ADTRP: variants seen among roughly 807,000 people sequenced by gnomAD.
The protein encoded by ADTRP is androgen-dependent TFPI-regulating protein.
ADTRP carries 20 observed loss-of-function variants against 27.0 expected under a neutral mutation model. The observed-to-expected ratio is 0.74, with a 90% confidence interval of 0.52 to 1.08. ADTRP has a LOEUF of 1.08. Ranked by LOEUF, ADTRP falls within the 50% of genes least tolerant of loss-of-function variation. ADTRP has a pLI of 0.00. For missense variants in ADTRP, 251 were observed against 275.0 expected, an observed-to-expected ratio of 0.91 and a Z score of 0.62; for synonymous variants, 101 against 105.2, an observed-to-expected ratio of 0.96 and a Z score of 0.25.
intron 2 of ADTRP, 128 bp from the exon 3 acceptor site, chr6:11,766,503 T>C (rs1581365821): frequency 1.7e-6 from 1 of 581,736 alleles, no homozygotes; most frequent in African/African-American, 1.9e-5. Context: ...ATATACATTA[T>C]AGGAATGTAG....
intron 3 of ADTRP, among the ~76,000 whole-genome samples, chr6:11,758,582 G>GGC (rs1166384194): frequency 8.5e-6 from 1 of 117,516 alleles, no homozygotes; most frequent in African/African-American, 3.1e-5. Flanking sequence ...GGGTGGGGGG[G>GGC]GGGGACGGAT....
chr6:11,714,903 A>C lies in ADTRP; in HGVS notation c.659-391T>G, dbSNP rs1320945531. Among the ~76,000 whole-genome samples the C allele has an allele frequency of 2.0e-5, 3 of 152,218 alleles. No individual in the cohort carries two copies. In the East Asian group the frequency reaches 5.8e-4, roughly 29 times the overall value. On this transcript the variant is annotated intron_variant, in intron 5 of 5. Transcript: ENST00000414691. ...CACATCAAATTAGAGAGGAAATAGA[A>C]GGGTGGATGTTCAACTAATTGGGGT...
intron 1 of ADTRP, chr6:11,770,231 C>CA (rs1209280580): frequency 5.4e-6 from 4 of 737,896 alleles, no homozygotes; most frequent in African/African-American, 1.8e-5. Flanking sequence ...TTCCCACCCC[C>CA]AGAGATTCTA....
At chr6:11,747,313 GGC>G (rs1581343033) in intron 3 of ADTRP, among the ~76,000 whole-genome samples, 1 of 152,190 alleles carries the variant, frequency 6.6e-6, no homozygotes, top group East Asian at 1.9e-4. Flanking sequence ...ATTTGTACCA[GGC>G]GAGCTCTCCA....
rs77565517 is a variant in ADTRP at position 11,748,133 on chromosome 6, G to A, written c.391-12450C>T. Among the ~76,000 whole-genome samples the A allele has an allele frequency of 2.8e-3, 429 of 152,318 alleles. 2 individuals carry two copies. The highest frequency in any genetic ancestry group is 0.01 in the African/African-American group (417 of 41,566). Reference sequence around the variant, plus strand: ...TATGCATCTCTTTGAACGTAAGTCAGTCATGATTAGACCACGTGTCTCAGA... The same window carrying A: ...TATGCATCTCTTTGAACGTAAGTCAATCATGATTAGACCACGTGTCTCAGA... On this transcript the variant is annotated intron_variant, in intron 3 of 5. Coordinates refer to ENST00000414691, the MANE Select transcript of ADTRP (RefSeq NM_032744.4).
At position 11,758,544 on chromosome 6, in the gene ADTRP, G is replaced by A. The variant is rs539472175; in HGVS notation, c.390+7730C>T. On this transcript the variant is annotated intron_variant, in intron 3 of 5. Coordinates refer to ENST00000414691, the MANE Select transcript of ADTRP (RefSeq NM_032744.4). Reference sequence around the variant, plus strand: ...ATGAGAACACATGGACACAGGAAGGGGAACATCACACACCGGGGACTGTTG... The same window carrying A: ...ATGAGAACACATGGACACAGGAAGGAGAACATCACACACCGGGGACTGTTG... Among the ~76,000 whole-genome samples the A allele has an allele frequency of 6.6e-3, 786 of 119,452 alleles. 16 individuals carry two copies. Among genetic ancestry groups the A allele is most frequent in the African/African-American group, 0.024 (733 of 30,856 alleles). The allele number at this position is 119,452 out of a possible 152,430, so 78.4% of individuals were successfully genotyped here.
intron 3 of ADTRP, among the ~76,000 whole-genome samples, chr6:11,743,554 T>C (rs1762780541): frequency 6.6e-6 from 1 of 152,164 alleles, no homozygotes; most frequent in East Asian, 1.9e-4. Flanking sequence ...GCAGGTGCCC[T>C]TTCTTGGCAG....
At chr6:11,723,119 G>C (rs1381606632) in intron 5 of ADTRP, among the ~76,000 whole-genome samples, 1 of 152,166 alleles carries the variant, frequency 6.6e-6, no homozygotes, top group Non-Finnish European at 1.5e-5. Context: ...CACATTGTTT[G>C]GGGGAGGAGG....
Position 11,714,406 on chromosome 6 carries a change from G to GGA in ADTRP, c.*71_*72insTC. 2 of 1,362,438 alleles carry GGA rather than the reference G, an allele frequency of 1.5e-6. No individual in the cohort carries two copies. The highest frequency in any genetic ancestry group is 2.0e-6 in the Non-Finnish European group (2 of 1,002,036). 84.4% of individuals were successfully genotyped at this position (1,362,438 alleles called of 1,614,324 possible). On this transcript the variant is annotated 3_prime_UTR_variant, in exon 6 of 6. Coordinates refer to ENST00000414691, the MANE Select transcript of ADTRP (RefSeq NM_032744.4). ...GTTCCTCCACCACCTCCCTCCACCAGAAAAAAAAAAAAAAGATGAGAAAAA... is the reference window on the plus strand; with the variant it reads ...GTTCCTCCACCACCTCCCTCCACCAGGAAAAAAAAAAAAAAAGATGAGAAAAA...
intron 3 of ADTRP, chr6:11,735,928 T>G: frequency 8.3e-6 from 3 of 360,524 alleles, no homozygotes; most frequent in African/African-American, 2.1e-5. Context: ...TCCTGCTTAT[T>G]GCCCACTGCT....
At chr6:11,746,784 G>A (rs169791) in intron 3 of ADTRP, among the ~76,000 whole-genome samples, 48,193 of 151,982 alleles carry the variant, frequency 0.32, 9,688 homozygotes, top group East Asian at 0.66. Context: ...CAGGCCAGGC[G>A]CTTGCCCCTT....
chr6:11,774,743 C>T (rs1008487285), intron 1 of ADTRP, among the ~76,000 whole-genome samples: 1 of 152,162 alleles, frequency 6.6e-6, no homozygotes, highest in Non-Finnish European at 1.5e-5. Context: ...AAAGAGGAAA[C>T]CCTAATAAAC....
chr6:11,744,130 G>A (rs1762796627), intron 3 of ADTRP, among the ~76,000 whole-genome samples: 1 of 152,104 alleles, frequency 6.6e-6, no homozygotes, highest in Non-Finnish European at 1.5e-5. Flanking sequence ...ATGAGATCTG[G>A]TTCTTAAAAA....
chr6:11,725,700 A>G (rs1370109293), intron 4 of ADTRP, among the ~76,000 whole-genome samples: 1 of 152,096 alleles, frequency 6.6e-6, no homozygotes, highest in Admixed American at 6.6e-5. Flanking sequence ...AAAAGAACTG[A>G]AAACATGGCT....
In ADTRP at chr6:11,758,578, G is replaced by GGGT. The variant is rs545481586; in HGVS notation, c.390+7695_390+7696insACC. On this transcript the variant is annotated intron_variant, in intron 3 of 5. Transcript: ENST00000414691. ...CACACCGGGGACTGTTGTGGGGTGG[G>GGGT]GGGGGGGGACGGATAGCATTAGGAG... is the stretch of plus-strand genomic sequence containing the variant. Among the ~76,000 whole-genome samples the GGGT allele has an allele frequency of 9.2e-4, 110 of 119,920 alleles. 9 individuals carry two copies. The highest frequency in any genetic ancestry group is 1.5e-3 in the Non-Finnish European group (86 of 57,324). 78.7% of individuals were successfully genotyped at this position (119,920 alleles called of 152,430 possible). A position where few individuals can be genotyped will look rare whatever the true frequency, so the allele number is the denominator to read the frequency against.
intron 3 of ADTRP, among the ~76,000 whole-genome samples, chr6:11,744,616 G>C (rs968253239): frequency 5.3e-5 from 8 of 152,178 alleles, no homozygotes; most frequent in Non-Finnish European, 1.0e-4. Flanking sequence ...CCCAGGTTTT[G>C]CTTGGTATCT....
intron 1 of ADTRP, among the ~76,000 whole-genome samples, chr6:11,770,791 C>T (rs1024866499): frequency 6.6e-6 from 1 of 152,240 alleles, no homozygotes; most frequent in South Asian, 2.1e-4. Context: ...CTCCCTCCCC[C>T]ACCAGTAGCC....
At chr6:11,774,939 A>G (rs2113358611) in intron 1 of ADTRP, among the ~76,000 whole-genome samples, 1 of 152,310 alleles carries the variant, frequency 6.6e-6, no homozygotes, top group East Asian at 1.9e-4. Flanking sequence ...GAGGACACCC[A>G]TGGCACTGCC....
intron 4 of ADTRP, among the ~76,000 whole-genome samples, chr6:11,734,711 C>T (rs1380115153): frequency 6.6e-6 from 1 of 151,880 alleles, no homozygotes; most frequent in Admixed American, 6.5e-5. Context: ...AATGCACTCT[C>T]TCTCTCTCTC....
Sources: gnomAD v4.1 joint callset for allele counts (sites outside exome capture counted in the v4.1 genomes callset) on GRCh38, gnomAD v4.1.1 for gene constraint, MANE v1.5 for transcripts, NCBI Gene and HGNC (gene_info 2026-07-23, HGNC 2026-07-21) for gene names.